Variants in PERM1 observed in about 807,000 individuals in gnomAD.
PERM1 encodes PGC-1 and ERR-induced regulator in muscle protein 1.
A neutral mutation model predicts 44.1 loss-of-function variants in PERM1; 45 were observed. The observed-to-expected ratio is 1.02, with a 90% CI of 0.80 to 1.31. The LOEUF (loss-of-function observed/expected upper bound fraction) is 1.31, where lower values mean the gene tolerates loss of function less well. Ranked by LOEUF, PERM1 falls within the 50% of genes most tolerant of loss-of-function variation. The pLI is 0.00. For missense variants in PERM1, 1,189 were observed against 1,106.9 expected (o/e 1.07, Z -1.05); for synonymous variants, 565 against 477.1 (o/e 1.18, Z -2.40).
rs1168655154 is a variant in PERM1 at position 979,455 on chromosome 1, G to A, written c.1575C>T (p.Pro525=). 5.8e-6 allele frequency: 9 copies of A among 1,546,764 alleles called. No homozygotes were observed. The East Asian group carries it at 2.2e-4, about 38-fold the overall frequency. ...CCCCAGTTGCTGTCTGGGGGGCTGA[G>A]GGCCGGGCTGAGGCCTGTCCTGAGC... Residue 525 remains proline, a synonymous_variant, in exon 1 of 3, where the codon CCC becomes CCT. Coordinates refer to ENST00000433179, the Ensembl canonical transcript of PERM1.
exon 1 of PERM1, chr1:979,178 A>G: frequency 6.5e-7 from 1 of 1,549,752 alleles, no homozygotes; most frequent in Non-Finnish European, 8.7e-7. Context: ...GGGAAGAAGA[A>G]CTCGCACATG....
At chr1:976,649 C>A in intron 1 of PERM1, 25 bp from the exon 3 acceptor site, 1 of 1,548,742 alleles carries the variant, frequency 6.5e-7, no homozygotes, top group Non-Finnish European at 8.7e-7. Flanking sequence ...CACCTTCAGC[C>A]CCACGGCTGC....
chr1:980,339 C>T (rs1439105991), exon 1 of PERM1: 17 of 1,550,272 alleles, frequency 1.1e-5, no homozygotes, highest in South Asian at 9.5e-5. Context: ...CCTGCAGGAC[C>T]TGGCCCCAAC....
At position 979,418 on chromosome 1, in the gene PERM1, G is replaced by GC. The variant is rs1162604496; in HGVS notation, c.1611dup (p.Pro538AlafsTer53). 7 of 1,525,492 alleles carry GC rather than the reference G, an allele frequency of 4.6e-6. No individual in the cohort carries two copies. Among genetic ancestry groups the GC allele is most frequent in the Middle Eastern group, 1.8e-4 (1 of 5,642 alleles). The allele number at this position is 1,525,492 out of a possible 1,614,324, so 94.5% of individuals were successfully genotyped here. A position where few individuals can be genotyped will look rare whatever the true frequency, so the allele number is the denominator to read the frequency against. ...ACAGCCACAGCCTCCCAGGCTCCGG[G>GC]CCCCCCGTGGGCCCCAGTTGCTGTC... is the stretch of plus-strand genomic sequence containing the variant. On this transcript the variant is annotated frameshift_variant, in exon 1 of 3. Coordinates refer to ENST00000433179, the Ensembl canonical transcript of PERM1. LOFTEE classifies it high-confidence loss of function.
chr1:975,211 T>C (rs1006451336), exon 3 of PERM1: 2 of 152,124 alleles, frequency 1.3e-5, no homozygotes, highest in African/African-American at 4.8e-5. Flanking sequence ...AAAGAAAAGA[T>C]AGAATTTTAT....
chr1:981,282 A>G, upstream of PERM1: 3 of 1,126,536 alleles, frequency 2.7e-6, no homozygotes, highest in Non-Finnish European at 2.5e-6. Flanking sequence ...CTAGTTCCCA[A>G]CGCACCCCAA....
exon 1 of PERM1, chr1:978,961 G>A (rs758582513): frequency 6.0e-6 from 9 of 1,507,088 alleles, no homozygotes; most frequent in South Asian, 1.3e-5. Flanking sequence ...CTCGGAGGCC[G>A]ACCGGGGAGG....
chr1:978,804 G>T (rs371221955), intron 1 of PERM1, 77 bp downstream of exon 2: 17 of 1,326,818 alleles, frequency 1.3e-5, no homozygotes, highest in Admixed American at 9.5e-5. Flanking sequence ...CGGCCCCTGC[G>T]GCCCCCTGCT....
intron 1 of PERM1, among the ~76,000 whole-genome samples, chr1:978,291 T>TTGTGCTGGACACGTC (rs1643681784): frequency 6.7e-6 from 1 of 149,850 alleles, no homozygotes; most frequent in South Asian, 2.1e-4. Flanking sequence ...TAAGATACAT[T>TTGTGCTGGACACGTC]TGTGCTGGAC....
chr1:978,684 G>A (rs553372949), intron 1 of PERM1, among the ~76,000 whole-genome samples, 197 bp downstream of exon 2: 2 of 152,346 alleles, frequency 1.3e-5, no homozygotes, highest in East Asian at 1.9e-4. Context: ...CCAACCCCCT[G>A]AACAACCCGG....
chr1:981,549 G>A (rs772430295), upstream of PERM1, among the ~76,000 whole-genome samples: 5 of 152,366 alleles, frequency 3.3e-5, no homozygotes, highest in African/African-American at 7.2e-5. Flanking sequence ...GCTGGCAGCC[G>A]GCCACAGGAA....
exon 1 of PERM1, chr1:980,665 G>A: frequency 7.0e-7 from 1 of 1,431,192 alleles, no homozygotes; most frequent in East Asian, 2.5e-5. Flanking sequence ...GAACTGGCTG[G>A]GAGGGCTGGC....
At chr1:980,761 C>A (rs1408603127) in exon 1 of PERM1, 1 of 1,406,858 alleles carries the variant, frequency 7.1e-7, no homozygotes, top group Non-Finnish European at 9.2e-7. Context: ...GACAGGCTCA[C>A]CCTGAGACCT....
At chr1:981,779 G>A (rs559980177), upstream of PERM1, among the ~76,000 whole-genome samples, 361 of 152,372 alleles carry the variant, frequency 2.4e-3, no homozygotes, top group Non-Finnish European at 4.4e-3. Context: ...AGGCCTGCCC[G>A]GCTGCCCGGG....
chr1:979,481 C>T (rs1643725556), exon 1 of PERM1: 14 of 1,547,672 alleles, frequency 9.0e-6, no homozygotes, highest in Non-Finnish European at 1.2e-5. Flanking sequence ...TGTCCTGAGC[C>T]TGGCTTATTG....
chr1:976,406 G>A, intron 2 of PERM1, 93 bp downstream of exon 3: 11 of 1,535,372 alleles, frequency 7.2e-6, no homozygotes, highest in Non-Finnish European at 9.7e-6. Flanking sequence ...CAGGTCAGGG[G>A]TGAGCCCCGG....
chr1:982,077 G>A (rs995641434), upstream of PERM1: 20 of 1,287,898 alleles, frequency 1.6e-5, no homozygotes, highest in South Asian at 9.9e-5. Flanking sequence ...GGGTCCCGGC[G>A]GCCGAGCTGG....
Position 978,890 on chromosome 1 carries a change from T to TTA in PERM1, c.2139_2140insTA (p.Arg714Ter). ...ATCCGAGAGCACGTACCTGCCCGTC[T>TTA]AAGAGCCAGGTGGAGCCGCTCTACC... On this transcript the variant is annotated frameshift_variant, in exon 1 of 3. Coordinates refer to ENST00000433179, the Ensembl canonical transcript of PERM1. LOFTEE classifies it high-confidence loss of function. The TTA allele has an allele frequency of 6.7e-7, 1 of 1,490,568 alleles. No individual in the cohort carries two copies. Among genetic ancestry groups the TTA allele is most frequent in the South Asian group, 1.3e-5 (1 of 75,858 alleles). 92.3% of individuals were successfully genotyped at this position (1,490,568 alleles called of 1,614,324 possible).
At chr1:976,522 T>C in exon 2 of PERM1, 2 of 1,549,548 alleles carry the variant, frequency 1.3e-6, no homozygotes, top group South Asian at 1.2e-5. Context: ...GTCTGGGGTA[T>C]GCGGATCTGA....
Sources: gnomAD v4.1 joint callset for allele counts (sites outside exome capture counted in the v4.1 genomes callset) on GRCh38, gnomAD v4.1.1 for gene constraint, MANE v1.5 for transcripts, NCBI Gene and HGNC (gene_info 2026-07-23, HGNC 2026-07-21) for gene names.